Variants in MAGI2 observed in about 807,000 individuals in gnomAD.
The protein encoded by MAGI2 is membrane-associated guanylate kinase, WW and PDZ domain-containing protein 2.
In MAGI2, 35 loss-of-function variants were observed where a neutral mutation model predicts 133.3. The observed-to-expected ratio is 0.26, with a 90% CI of 0.20 to 0.35. The LOEUF (loss-of-function observed/expected upper bound fraction) is 0.35. Among genes scored for constraint, MAGI2 ranks in the 10% least tolerant of loss-of-function variants. MAGI2 has a pLI of 1.00. For missense variants in MAGI2, 1,636 were observed against 1,863.4 expected, an observed-to-expected ratio of 0.88 and a Z score of 2.25; for synonymous variants, 729 against 710.6, an observed-to-expected ratio of 1.03 and a Z score of -0.41.
intron 1 of MAGI2, among the ~76,000 whole-genome samples, chr7:79,114,889 T>C (rs1475524332): frequency 6.6e-6 from 1 of 152,218 alleles, no homozygotes; most frequent in Non-Finnish European, 1.5e-5. Flanking sequence ...TTCAGGTTTG[T>C]TGACAGTAGC....
intron 16 of MAGI2, 96 bp downstream of exon 16, chr7:78,159,929 G>A (rs978523909): frequency 4.8e-5 from 70 of 1,452,910 alleles, no homozygotes; most frequent in Non-Finnish European, 5.1e-5. Context: ...CAGTATGTCC[G>A]TGACAGTCTT....
At chr7:79,156,790 A>C (rs564628038) in intron 1 of MAGI2, among the ~76,000 whole-genome samples, 1 of 152,238 alleles carries the variant, frequency 6.6e-6, no homozygotes, top group African/African-American at 2.4e-5. Flanking sequence ...CTCAGAATAA[A>C]TATCTTCAAA....
intron 1 of MAGI2, among the ~76,000 whole-genome samples, chr7:79,407,789 C>T (rs1845906280): frequency 6.6e-6 from 1 of 151,640 alleles, no homozygotes. Flanking sequence ...GCAATATATT[C>T]TGAGTTAGTT....
At chr7:79,376,781 A>G (rs1012655223) in intron 1 of MAGI2, among the ~76,000 whole-genome samples, 1 of 151,630 alleles carries the variant, frequency 6.6e-6, no homozygotes, top group Non-Finnish European at 1.5e-5. Context: ...GGATAACTGA[A>G]ACCACAGAAA....
intron 1 of MAGI2, among the ~76,000 whole-genome samples, chr7:79,248,514 T>G (rs1354595619): frequency 6.6e-6 from 1 of 152,164 alleles, no homozygotes; most frequent in Admixed American, 6.5e-5. Context: ...ATAGACCGAA[T>G]GGACTTATAT....
At chr7:78,249,000 C>T (rs550050366) in intron 10 of MAGI2, among the ~76,000 whole-genome samples, 5 of 151,478 alleles carry the variant, frequency 3.3e-5, no homozygotes, top group African/African-American at 1.2e-4. Flanking sequence ...CCAAAATATA[C>T]AAGGAACTCA....
chr7:78,955,932 C>A (rs1253294672), intron 2 of MAGI2, among the ~76,000 whole-genome samples: 2 of 151,976 alleles, frequency 1.3e-5, no homozygotes, highest in East Asian at 1.9e-4. Context: ...AGAAACTACC[C>A]AAAGATGCCT....
chr7:78,373,058 AG>A lies in MAGI2; in HGVS notation c.1046-3846del, dbSNP rs1339145445. ...AGCTGAACTCAAACTTCTGGGCTCA[AG>A]GAATCCTCTCCCCTCAGCCTTCTGA... On this transcript the variant is annotated intron_variant, in intron 6 of 21. Transcript: ENST00000354212. Among the ~76,000 whole-genome samples the A allele has an allele frequency of 2.6e-5, 4 of 152,270 alleles. No homozygotes were observed. In the East Asian group the frequency reaches 7.7e-4, roughly 29 times the overall value.
At chr7:79,136,088 A>AGAAG (rs1821508343) in intron 1 of MAGI2, among the ~76,000 whole-genome samples, 1 of 146,612 alleles carries the variant, frequency 6.8e-6, no homozygotes, top group African/African-American at 2.7e-5. Context: ...AAAGAAAGAA[A>AGAAG]GAAAGAAAGA....
At chr7:79,027,850 T>A (rs1208901930) in intron 1 of MAGI2, among the ~76,000 whole-genome samples, 1 of 152,122 alleles carries the variant, frequency 6.6e-6, no homozygotes, top group Non-Finnish European at 1.5e-5. Context: ...TACCCAAGAA[T>A]AATTTTCAAA....
chr7:78,872,744 T>C (rs1467795157), intron 2 of MAGI2, among the ~76,000 whole-genome samples: 3 of 152,124 alleles, frequency 2.0e-5, no homozygotes, highest in Non-Finnish European at 4.4e-5. Flanking sequence ...GAAATATTTC[T>C]GGCCCGTGGG....
intron 4 of MAGI2, among the ~76,000 whole-genome samples, chr7:78,516,383 A>G (rs901874733): frequency 6.6e-6 from 1 of 151,916 alleles, no homozygotes; most frequent in African/African-American, 2.4e-5. Context: ...ATAGGGTCTC[A>G]CTCTGTTACC....
chr7:78,585,640 A>T (rs1803321243), intron 3 of MAGI2, among the ~76,000 whole-genome samples: 1 of 152,194 alleles, frequency 6.6e-6, no homozygotes, highest in Non-Finnish European at 1.5e-5. Flanking sequence ...GAAGACAAAC[A>T]GCAAAGGCAA....
chr7:79,222,137 A>G (rs925064158), intron 1 of MAGI2, among the ~76,000 whole-genome samples: 1 of 152,032 alleles, frequency 6.6e-6, no homozygotes, highest in Admixed American at 6.5e-5. Flanking sequence ...ATTAATTAAT[A>G]TCCAGAGGAA....
intron 10 of MAGI2, among the ~76,000 whole-genome samples, chr7:78,205,440 A>G (rs1187560505): frequency 6.6e-6 from 1 of 152,220 alleles, no homozygotes; most frequent in East Asian, 1.9e-4. Flanking sequence ...CCCAAAATAC[A>G]ACTTTTAATG....
intron 4 of MAGI2, among the ~76,000 whole-genome samples, chr7:78,507,045 G>A (rs1054795881): frequency 6.6e-6 from 1 of 152,066 alleles, no homozygotes; most frequent in South Asian, 2.1e-4. Context: ...AATTAATCAA[G>A]CATTAAAGTA....
intron 14 of MAGI2, among the ~76,000 whole-genome samples, chr7:78,171,988 C>T (rs141264435): frequency 4.6e-5 from 7 of 152,134 alleles, no homozygotes; most frequent in African/African-American, 1.4e-4. Context: ...CCATGAACAA[C>T]TGATCTGTGG....
chr7:78,534,950 T>C (rs569672034), intron 3 of MAGI2, among the ~76,000 whole-genome samples: 181 of 152,152 alleles, frequency 1.2e-3, no homozygotes, highest in African/African-American at 4.0e-3. Flanking sequence ...CTGGCCAAGA[T>C]GGTGAAACCC....
rs541386626 is a variant in MAGI2, at chr7:79,308,808, C to T, written c.301+144212G>A. 2.0e-5 allele frequency among the ~76,000 whole-genome samples: 3 copies of T among 152,244 alleles called. No homozygotes were observed. The East Asian group carries it at 5.8e-4, about 29-fold the overall frequency. On this transcript the variant is annotated intron_variant, in intron 1 of 21. Transcript: ENST00000354212. ...GGCAAGCCAGCTGTAAAGTAATAAT[C>T]ATTTCTTTTCTTAAGAAAATAAGGG...
Sources: allele counts gnomAD v4.1 joint callset (sites outside exome capture counted in the v4.1 genomes callset), GRCh38; gene constraint gnomAD v4.1.1; transcripts MANE v1.5; gene names NCBI Gene and HGNC (gene_info 2026-07-23, HGNC 2026-07-21).